The following USP18 variants were observed in gnomAD, a reference collection of about 807,000 sequenced individuals.
The protein encoded by USP18 is ubiquitin specific peptidase 18.
Under a neutral mutation model 48.7 loss-of-function variants are expected in USP18, and 11 were observed. The ratio of observed to expected loss-of-function variants is 0.23; its 90% confidence interval spans 0.14 to 0.37. The LOEUF is 0.37. Among genes scored for constraint, USP18 ranks in the 10% least tolerant of loss-of-function variants. USP18 has a pLI of 1.00. For synonymous variants in USP18, 114 were observed against 163.2 expected (o/e 0.70, Z 2.30); for missense variants, 285 against 436.4 (o/e 0.65, Z 3.09).
At chr22:18,156,249 GCT>G (rs138064853) in intron 1 of USP18, among the ~76,000 whole-genome samples, 12,367 of 152,208 alleles carry the variant, frequency 0.081, 617 homozygotes, top group Middle Eastern at 0.12. Context: ...GGACCAATCA[GCT>G]CTCTGTAAAA....
intron 4 of USP18, among the ~76,000 whole-genome samples, chr22:18,164,572 C>T (rs1929423868): frequency 6.6e-6 from 1 of 151,580 alleles, no homozygotes; most frequent in African/African-American, 2.4e-5. Context: ...GCCTCATTGG[C>T]TCCAGGTGCA....
intron 1 of USP18, among the ~76,000 whole-genome samples, chr22:18,153,880 A>C (rs1434702565): frequency 2.0e-5 from 3 of 152,010 alleles, no homozygotes; most frequent in East Asian, 3.9e-4. Flanking sequence ...TGTTGATGGG[A>C]ATTACAGGAT....
At position 18,170,647 on chromosome 22, in the gene USP18, C is replaced by T. The variant is rs1392456362; in HGVS notation, c.724-106C>T. The T allele has an allele frequency of 6.7e-6, 9 of 1,342,808 alleles. 2 individuals are homozygous for T. Among genetic ancestry groups the T allele is most frequent in the East Asian group, 4.7e-5 (2 of 42,610 alleles). 83.2% of individuals were successfully genotyped at this position (1,342,808 alleles called of 1,614,324 possible). The stretch of plus-strand genomic sequence containing the variant: ...ACAGGAGCCTTGAACTCCGTGATGT[C>T]GCCCCGCTCCCCTCTTTTTGGGAAG... On this transcript the variant is annotated intron_variant, in intron 7 of 10. Coordinates refer to ENST00000215794, the MANE Select transcript of USP18 (RefSeq NM_017414.4).
chr22:18,163,742 C>G (rs1929395627), intron 4 of USP18, among the ~76,000 whole-genome samples: 1 of 152,182 alleles, frequency 6.6e-6, no homozygotes, highest in East Asian at 1.9e-4. Context: ...ACCAATTAGC[C>G]CTGCCGGACA....
In USP18 at chr22:18,170,616, C is replaced by T. The variant is rs528967433; in HGVS notation, c.724-137C>T. ...TATTCTCAGAGGAGCTCAGCAGATTCGGCGAACAGGAGCCTTGAACTCCGT... is the reference window on the plus strand; with the variant it reads ...TATTCTCAGAGGAGCTCAGCAGATTTGGCGAACAGGAGCCTTGAACTCCGT... On this transcript the variant is annotated intron_variant, in intron 7 of 10. Coordinates refer to ENST00000215794, the MANE Select transcript of USP18 (RefSeq NM_017414.4). The T allele has an allele frequency of 3.1e-5, 37 of 1,174,768 alleles. 7 individuals carry two copies. The East Asian group carries it at 4.6e-4, about 15-fold the overall frequency. The allele number at this position is 1,174,768 out of a possible 1,614,324, so 72.8% of individuals were successfully genotyped here.
intron 8 of USP18, among the ~76,000 whole-genome samples, chr22:18,172,541 C>A (rs1449179949): frequency 6.6e-6 from 1 of 151,344 alleles, no homozygotes; most frequent in Non-Finnish European, 1.5e-5. Flanking sequence ...CTTTTCCTTG[C>A]AGTTGATTTG....
chr22:18,155,836 C>T (rs1405309445), intron 1 of USP18, among the ~76,000 whole-genome samples: 2 of 152,228 alleles, frequency 1.3e-5, no homozygotes, highest in African/African-American at 4.8e-5. Context: ...TCCACGCCGC[C>T]GAGTCCCACC....
intron 4 of USP18, among the ~76,000 whole-genome samples, chr22:18,162,461 AC>A (rs1467115107): frequency 6.7e-6 from 1 of 150,232 alleles, no homozygotes; most frequent in Non-Finnish European, 1.5e-5. Context: ...TCCTACACTT[AC>A]GGGTTTTCCC....
intron 9 of USP18, among the ~76,000 whole-genome samples, chr22:18,173,555 A>G (rs940319470): frequency 6.6e-6 from 1 of 152,184 alleles, no homozygotes; most frequent in Non-Finnish European, 1.5e-5. Flanking sequence ...CTAGAGAGCA[A>G]CGAGTGTTAG....
chr22:18,168,404 C>T (rs200418741), intron 6 of USP18, among the ~76,000 whole-genome samples: 5 of 136,182 alleles, frequency 3.7e-5, no homozygotes, highest in East Asian at 2.0e-4. Flanking sequence ...CTCCCCCCCC[C>T]CTTTTTTTTG....
In USP18 at chr22:18,163,665, AAAAAAG is replaced by A. The variant is rs1054433596; in HGVS notation, c.400+1736_400+1741del. 9.2e-5 allele frequency among the ~76,000 whole-genome samples: 14 copies of A among 151,790 alleles called. No homozygotes were observed. In the East Asian group the frequency reaches 2.5e-3, roughly 27 times the overall value. On this transcript the variant is annotated intron_variant, in intron 4 of 10. Transcript: ENST00000215794. ...CTCAGAAAAAAAGAAAAAAAAAAAG[AAAAAAG>A]AAAAAAAGAAAAATACCTCTCCCAG...
At chr22:18,176,263 C>A (rs1602536372) in intron 10 of USP18, among the ~76,000 whole-genome samples, 2 of 55,428 alleles carry the variant, frequency 3.6e-5, no homozygotes, top group Non-Finnish European at 6.6e-5. Flanking sequence ...GCCTGGGCTA[C>A]AGGGCAAGAC....
At chr22:18,159,408 T>C (rs2123730662) in intron 2 of USP18, among the ~76,000 whole-genome samples, 1 of 152,012 alleles carries the variant, frequency 6.6e-6, no homozygotes, top group Admixed American at 6.5e-5. Flanking sequence ...CTCCGATTTG[T>C]TTGCAAGCTG....
At chr22:18,154,106 G>T (rs993413052) in intron 1 of USP18, among the ~76,000 whole-genome samples, 2 of 149,812 alleles carry the variant, frequency 1.3e-5, no homozygotes, top group African/African-American at 4.9e-5. Flanking sequence ...AGATCATGTG[G>T]TATATCTATT....
chr22:18,166,977 G>A (rs1310449438), intron 4 of USP18, among the ~76,000 whole-genome samples: 1 of 151,824 alleles, frequency 6.6e-6, no homozygotes, highest in Non-Finnish European at 1.5e-5. Context: ...GAGTTCAAGC[G>A]ATCCTCCCAC....
At chr22:18,153,770 A>G (rs2123725213) in intron 1 of USP18, among the ~76,000 whole-genome samples, 1 of 152,228 alleles carries the variant, frequency 6.6e-6, no homozygotes. Flanking sequence ...TTTCTAGGAG[A>G]TAAGCTTTTT....
At chr22:18,151,304 T>C (rs1177423195) in intron 1 of USP18, among the ~76,000 whole-genome samples, 1 of 152,158 alleles carries the variant, frequency 6.6e-6, no homozygotes, top group Non-Finnish European at 1.5e-5. Context: ...TGTTTGAAAA[T>C]TAAAGCAGAG....
chr22:18,161,156 T>A (rs142846420), intron 3 of USP18, among the ~76,000 whole-genome samples: 12,647 of 151,338 alleles, frequency 0.084, 611 homozygotes, highest in South Asian at 0.11. Flanking sequence ...AAAGACAGAG[T>A]TGGGACTAGA....
At chr22:18,162,748 T>C (rs142152431) in intron 4 of USP18, among the ~76,000 whole-genome samples, 293 of 151,202 alleles carry the variant, frequency 1.9e-3, no homozygotes, top group African/African-American at 6.7e-3. Context: ...CTTACACAAA[T>C]TTAGATGGGA....
Sources: allele counts gnomAD v4.1 joint callset (sites outside exome capture counted in the v4.1 genomes callset), GRCh38; gene constraint gnomAD v4.1.1; transcripts MANE v1.5; gene names NCBI Gene and HGNC (gene_info 2026-07-23, HGNC 2026-07-21).